Variants in ROR1 observed in about 807,000 individuals in gnomAD.
The protein encoded by ROR1 is ROR family WNT receptor 1.
A neutral mutation model predicts 78.8 loss-of-function variants in ROR1; 19 were observed. The observed-to-expected ratio is 0.24, with a 90% CI of 0.17 to 0.35. The LOEUF is 0.35. Ranked by LOEUF, ROR1 falls within the 10% of genes least tolerant of loss-of-function variation. ROR1 has a pLI of 1.00. For synonymous variants in ROR1, 386 were observed against 433.6 expected (o/e 0.89, Z 1.36); for missense variants, 917 against 1,177.8 (o/e 0.78, Z 3.24).
At chr1:63,836,171 C>T (rs1645017751) in intron 1 of ROR1, among the ~76,000 whole-genome samples, 1 of 152,180 alleles carries the variant, frequency 6.6e-6, no homozygotes, top group African/African-American at 2.4e-5. Flanking sequence ...AGTTACACAA[C>T]TTGACATACA....
chr1:63,920,438 G>A (rs1369259424), intron 1 of ROR1, among the ~76,000 whole-genome samples: 1 of 152,130 alleles, frequency 6.6e-6, no homozygotes, highest in Non-Finnish European at 1.5e-5. Context: ...GCAAGAGGGT[G>A]GAGTGGTTAG....
intron 4 of ROR1, among the ~76,000 whole-genome samples, chr1:64,122,793 C>A (rs150537609): frequency 6.6e-6 from 1 of 152,148 alleles, no homozygotes; most frequent in Non-Finnish European, 1.5e-5. Context: ...ATTCCTCTTG[C>A]GACATCATTT....
chr1:63,891,856 A>G (rs855832), intron 1 of ROR1, among the ~76,000 whole-genome samples: 140,136 of 152,108 alleles, frequency 0.92, 64,627 homozygotes, highest in East Asian at 1. Flanking sequence ...GACTCAGACT[A>G]CATTATACCA....
chr1:63,970,894 A>G (rs1646113789), intron 1 of ROR1, among the ~76,000 whole-genome samples: 2 of 152,130 alleles, frequency 1.3e-5, no homozygotes. Context: ...CATGGTCACC[A>G]CCCTTGCTGC....
intron 4 of ROR1, among the ~76,000 whole-genome samples, chr1:64,078,870 G>A (rs190677529): frequency 2.0e-5 from 3 of 152,278 alleles, no homozygotes; most frequent in Admixed American, 2.0e-4. Context: ...GGTGAAAGGA[G>A]TAAAAGTTTG....
chr1:63,838,370 A>G (rs1404964765), intron 1 of ROR1, among the ~76,000 whole-genome samples: 1 of 151,912 alleles, frequency 6.6e-6, no homozygotes. Context: ...CATGCCTGTT[A>G]TTGCCCCTTG....
At chr1:64,160,837 G>C (rs762679050) in intron 8 of ROR1, among the ~76,000 whole-genome samples, 3 of 152,136 alleles carry the variant, frequency 2.0e-5, no homozygotes, top group African/African-American at 2.4e-5. Context: ...AACTCTGGGC[G>C]GGGGAGAGAC....
At chr1:63,926,573 G>A (rs1336454716) in intron 1 of ROR1, among the ~76,000 whole-genome samples, 10 of 132,512 alleles carry the variant, frequency 7.5e-5, no homozygotes, top group African/African-American at 1.1e-4. Flanking sequence ...GATGGGGATG[G>A]CATTGAATCT....
chr1:63,946,262 T>G (rs1452127104), intron 1 of ROR1, among the ~76,000 whole-genome samples: 1 of 152,200 alleles, frequency 6.6e-6, no homozygotes, highest in Non-Finnish European at 1.5e-5. Context: ...TCTGCTTTAC[T>G]GCCAAGGGGA....
intron 1 of ROR1, among the ~76,000 whole-genome samples, chr1:63,889,046 T>C (rs993849913): frequency 6.6e-6 from 1 of 152,174 alleles, no homozygotes; most frequent in Non-Finnish European, 1.5e-5. Flanking sequence ...TGACCAGGGC[T>C]GGAAGTTCTG....
chr1:63,882,964 C>T (rs972582020), intron 1 of ROR1, among the ~76,000 whole-genome samples: 4 of 151,680 alleles, frequency 2.6e-5, no homozygotes, highest in Non-Finnish European at 1.5e-5. Flanking sequence ...TAATCAGTAG[C>T]CTAGCACTTA....
intron 1 of ROR1, among the ~76,000 whole-genome samples, chr1:63,979,810 A>G (rs1221927085): frequency 6.6e-6 from 1 of 152,218 alleles, no homozygotes; most frequent in Non-Finnish European, 1.5e-5. Flanking sequence ...TCAAAACCAC[A>G]TGGATGAATC....
At chr1:64,077,490 G>T (rs762252214) in intron 4 of ROR1, among the ~76,000 whole-genome samples, 1 of 152,244 alleles carries the variant, frequency 6.6e-6, no homozygotes, top group African/African-American at 2.4e-5. Context: ...AGAGAAGCAG[G>T]CACGTCCTCT....
At chr1:63,912,762 T>C (rs1412430816) in intron 1 of ROR1, among the ~76,000 whole-genome samples, 3 of 152,208 alleles carry the variant, frequency 2.0e-5, no homozygotes, top group African/African-American at 7.2e-5. Context: ...TGTTCTCATC[T>C]GATACTTGTG....
chr1:64,003,052 A>C (rs1032337586), intron 1 of ROR1, among the ~76,000 whole-genome samples: 1 of 152,052 alleles, frequency 6.6e-6, no homozygotes, highest in Non-Finnish European at 1.5e-5. Flanking sequence ...AGCTGCCTTC[A>C]TTCTGCCTCA....
chr1:63,951,953 C>T (rs1645943606), intron 1 of ROR1, among the ~76,000 whole-genome samples: 1 of 152,106 alleles, frequency 6.6e-6, no homozygotes, highest in South Asian at 2.1e-4. Flanking sequence ...TATTAAATAT[C>T]AATTTACTGA....
chr1:63,915,709 G>GCTT (rs1645603842), intron 1 of ROR1, among the ~76,000 whole-genome samples: 1 of 152,102 alleles, frequency 6.6e-6, no homozygotes, highest in Admixed American at 6.5e-5. Context: ...GAGTAGTACT[G>GCTT]CTTCCCTGGG....
rs1650521743 is a variant in ROR1, at chr1:64,180,543, A to T, written c.*1688A>T. 1 of 152,248 alleles carries T rather than the reference A, an allele frequency of 6.6e-6. No individual in the cohort carries two copies. Among genetic ancestry groups the T allele is most frequent in the African/African-American group, 2.4e-5 (1 of 41,474 alleles). The allele number at this position is 152,248 out of a possible 1,614,324, so 9.4% of individuals were successfully genotyped here. A position where few individuals can be genotyped will look rare whatever the true frequency, so the allele number is the denominator to read the frequency against. On this transcript the variant is annotated 3_prime_UTR_variant, in exon 9 of 9. Coordinates refer to ENST00000371079, the MANE Select transcript of ROR1 (RefSeq NM_005012.4). ...CAAACATGAACTTATAGGTACTGTG[A>T]ACTAGAAGAATTGGTTATATCCAGA...
chr1:64,164,845 C>T (rs1011247632), intron 8 of ROR1, among the ~76,000 whole-genome samples: 6 of 152,146 alleles, frequency 3.9e-5, no homozygotes, highest in Admixed American at 1.3e-4. Context: ...TGAGAACATG[C>T]GGTACTTAGT....
Sources: gnomAD v4.1 joint callset for allele counts (sites outside exome capture counted in the v4.1 genomes callset) on GRCh38, gnomAD v4.1.1 for gene constraint, MANE v1.5 for transcripts, NCBI Gene and HGNC (gene_info 2026-07-23, HGNC 2026-07-21) for gene names.